AP1S1: variants seen among roughly 807,000 people sequenced by gnomAD.
AP1S1 encodes the protein adaptor related protein complex 1 subunit sigma 1, also known as AP-1 complex subunit sigma-1A.
A neutral mutation model predicts 23.9 loss-of-function variants in AP1S1; 13 were observed. That is an observed-to-expected ratio of 0.54 (90% confidence interval 0.35 to 0.86). AP1S1 has a LOEUF of 0.86. AP1S1 is among the 40% of genes least tolerant of loss of function. AP1S1 has a pLI of 0.01. For missense variants in AP1S1, 119 were observed against 197.6 expected (o/e 0.60, Z 2.38); for synonymous variants, 84 against 77.7 (o/e 1.08, Z -0.43).
At chr7:101,155,667 G>T (rs557183985) in intron 1 of AP1S1, among the ~76,000 whole-genome samples, 1 of 152,352 alleles carries the variant, frequency 6.6e-6, no homozygotes, top group South Asian at 2.1e-4. Flanking sequence ...TACTACAGAG[G>T]AGGATACCCC....
At chr7:101,157,349 G>T in intron 2 of AP1S1, 28 bp from the exon 3 acceptor site, 1 of 1,494,914 alleles carries the variant, frequency 6.7e-7, no homozygotes, top group South Asian at 1.2e-5. Context: ...CAAGCTTGTA[G>T]CGATGTCTCA....
At chr7:101,155,447 G>A (rs2239538) in intron 1 of AP1S1, among the ~76,000 whole-genome samples, 37,765 of 152,088 alleles carry the variant, frequency 0.25, 5,873 homozygotes, top group African/African-American at 0.43. Context: ...CTGTTCTGCA[G>A]ACATTCTTTT....
chr7:101,157,972 A>G (rs1204935300), intron 3 of AP1S1, among the ~76,000 whole-genome samples: 1 of 151,318 alleles, frequency 6.6e-6, no homozygotes, highest in African/African-American at 2.4e-5. Context: ...TTTTTTTTTT[A>G]AGAGATGAGG....
intron 2 of AP1S1, 139 bp downstream of exon 2, chr7:101,156,911 CTTTTTTTTT>C (rs34043825): frequency 1.9e-5 from 8 of 416,940 alleles, no homozygotes; most frequent in Admixed American, 5.0e-5. Flanking sequence ...TGTCAGCTTC[CTTTTTTTTT>C]TTTTTTTTTC....
At chr7:101,156,912 T>A in intron 2 of AP1S1, 140 bp downstream of exon 2, 2 of 42,850 alleles carry the variant, frequency 4.7e-5, no homozygotes, top group Non-Finnish European at 5.1e-5. Flanking sequence ...GTCAGCTTCC[T>A]TTTTTTTTTT....
chr7:101,160,424 TC>T, intron 4 of AP1S1, 94 bp from the exon 5 acceptor site: 1 of 1,441,646 alleles, frequency 6.9e-7, no homozygotes, highest in Non-Finnish European at 9.6e-7. Flanking sequence ...TGTCTGTGCC[TC>T]CCCCGTCTGA....
intron 3 of AP1S1, among the ~76,000 whole-genome samples, chr7:101,158,311 G>T (rs181253454): frequency 1.3e-5 from 2 of 152,206 alleles, no homozygotes; most frequent in Non-Finnish European, 2.9e-5. Context: ...CATCCTAGCA[G>T]TAGGTGTTGG....
intron 1 of AP1S1, chr7:101,155,121 C>G (rs1392419511): frequency 1.2e-6 from 1 of 803,244 alleles, no homozygotes; most frequent in African/African-American, 1.9e-5. Context: ...TTCCCATTCT[C>G]TTTCCGGAAT....
chr7:101,159,468 C>T, intron 4 of AP1S1: 1 of 468,184 alleles, frequency 2.1e-6, no homozygotes, highest in Non-Finnish European at 3.8e-6. Context: ...GCCACCCAGT[C>T]TCCTTTGTCC....
intron 3 of AP1S1, 83 bp from the exon 4 acceptor site, chr7:101,158,976 C>CCAAGGTG: frequency 6.4e-7 from 1 of 1,556,748 alleles, no homozygotes; most frequent in Non-Finnish European, 8.7e-7. Flanking sequence ...GGGGCAGAAC[C>CCAAGGTG]CAAGGTGGGA....
At chr7:101,159,823 TGCAGTGATGAGCGA>T (rs1327632287) in intron 4 of AP1S1, among the ~76,000 whole-genome samples, 1 of 151,592 alleles carries the variant, frequency 6.6e-6, no homozygotes, top group Non-Finnish European at 1.5e-5. Flanking sequence ...CACCGGAATC[TGCAGTGATGAGCGA>T]GCCCGGCCTG....
intron 4 of AP1S1, among the ~76,000 whole-genome samples, chr7:101,160,297 A>AC (rs1420666923): frequency 2.0e-5 from 3 of 148,408 alleles, no homozygotes; most frequent in African/African-American, 5.0e-5. Context: ...CTCAACCTGG[A>AC]CCCCCCCTGC....
In AP1S1 at chr7:101,157,255, G is replaced by A. The variant is rs1797007149; in HGVS notation, c.183-122G>A. ...GTGAGTTACTCTTTACATGCCCTAG[G>A]GCCACCTCACCTGTGGCCAGCCAGG... On this transcript the variant is annotated intron_variant, in intron 2 of 4. Transcript: ENST00000337619. 4.3e-6 allele frequency: 3 copies of A among 704,668 alleles called. No homozygotes were observed. The South Asian group carries it at 5.3e-5, about 12-fold the overall frequency. 43.7% of individuals were successfully genotyped at this position (704,668 alleles called of 1,614,324 possible).
At chr7:101,157,161 G>C (rs1183891470) in intron 2 of AP1S1, among the ~76,000 whole-genome samples, 2 of 152,120 alleles carry the variant, frequency 1.3e-5, no homozygotes, top group African/African-American at 4.8e-5. Flanking sequence ...GTCAAACTTA[G>C]GAGGTCAGAG....
rs79691496 is a variant in AP1S1, at chr7:101,156,360, A to G, written c.4-234A>G. 74 of 485,876 alleles carry G rather than the reference A, an allele frequency of 1.5e-4. No homozygotes were observed. The East Asian group carries it at 2.3e-3, about 15-fold the overall frequency. 30.1% of individuals were successfully genotyped at this position (485,876 alleles called of 1,614,324 possible). ...TACAATGTCCATTTTACACATAAGG[A>G]AACTGAGGCCCAGAGACTTACAGTA... On this transcript the variant is annotated intron_variant, in intron 1 of 4. Transcript: ENST00000337619.
At chr7:101,155,437 C>T (rs111703320) in intron 1 of AP1S1, among the ~76,000 whole-genome samples, 90 of 152,280 alleles carry the variant, frequency 5.9e-4, no homozygotes, top group African/African-American at 2.0e-3. Context: ...AGCTTGCTGT[C>T]TGTTCTGCAG....
At chr7:101,157,523 A>T (rs773300359) in intron 3 of AP1S1, 38 bp downstream of exon 3, 1 of 1,491,690 alleles carries the variant, frequency 6.7e-7, no homozygotes, top group Non-Finnish European at 9.1e-7. Flanking sequence ...ATTCCCAGCA[A>T]TCCCCTTTGG....
At chr7:101,156,796 C>T in intron 2 of AP1S1, 24 bp downstream of exon 2, 1 of 1,500,270 alleles carries the variant, frequency 6.7e-7, no homozygotes, top group Non-Finnish European at 9.0e-7. Context: ...TACTTTCAGA[C>T]CTGCCTAGAT....
intron 4 of AP1S1, 96 bp downstream of exon 4, chr7:101,159,292 C>T (rs1797046854): frequency 4.7e-6 from 7 of 1,504,108 alleles, no homozygotes; most frequent in Non-Finnish European, 6.2e-6. Flanking sequence ...CCCACCGTCG[C>T]CAAGGAGCCC....
Sources: gnomAD v4.1 joint callset for allele counts (sites outside exome capture counted in the v4.1 genomes callset) on GRCh38, gnomAD v4.1.1 for gene constraint, MANE v1.5 for transcripts, NCBI Gene and HGNC (gene_info 2026-07-23, HGNC 2026-07-21) for gene names.